The following USP24 variants were observed in gnomAD, a reference collection of about 807,000 sequenced individuals.
USP24 encodes ubiquitin specific peptidase 24.
Under a neutral mutation model 361.6 loss-of-function variants are expected in USP24, and 97 were observed. The ratio of observed to expected loss-of-function variants is 0.27; its 90% CI spans 0.23 to 0.32. The LOEUF (loss-of-function observed/expected upper bound fraction) is 0.32. Ranked by LOEUF, USP24 falls within the 10% of genes least tolerant of loss-of-function variation. The pLI, the probability that USP24 is intolerant of heterozygous loss-of-function variation, is 1.00. For missense variants in USP24, 2,353 were observed against 3,165.6 expected, an observed-to-expected ratio of 0.74 and a Z score of 6.16; for synonymous variants, 1,098 against 1,124.6, an observed-to-expected ratio of 0.98 and a Z score of 0.47.
chr1:55,209,877 T>C (rs746763655), intron 1 of USP24, among the ~76,000 whole-genome samples: 36 of 152,146 alleles, frequency 2.4e-4, no homozygotes, highest in Non-Finnish European at 4.7e-4. Context: ...AAAAACGCCC[T>C]CCTTCACACT....
At chr1:55,076,971 A>C (rs1422585417) in intron 62 of USP24, among the ~76,000 whole-genome samples, 1 of 151,040 alleles carries the variant, frequency 6.6e-6, no homozygotes, top group Non-Finnish European at 1.5e-5. Context: ...CATCACTATC[A>C]CTCCCCTTCA....
intron 56 of USP24, among the ~76,000 whole-genome samples, chr1:55,085,646 A>G (rs1176503471): frequency 6.6e-6 from 1 of 152,212 alleles, no homozygotes; most frequent in African/African-American, 2.4e-5. Context: ...GTCTCAGTTC[A>G]GAGAGATCTA....
intron 32 of USP24, among the ~76,000 whole-genome samples, chr1:55,129,214 C>A (rs937371854): frequency 2.6e-5 from 4 of 152,162 alleles, no homozygotes; most frequent in Non-Finnish European, 5.9e-5. Flanking sequence ...ACAGATACAG[C>A]CTCCTGGCTT....
At chr1:55,099,175 GA>G (rs777004733) in intron 45 of USP24, among the ~76,000 whole-genome samples, 4 of 152,212 alleles carry the variant, frequency 2.6e-5, no homozygotes, top group Non-Finnish European at 5.9e-5. Flanking sequence ...TAGACACACA[GA>G]AAGAATATGT....
intron 3 of USP24, among the ~76,000 whole-genome samples, chr1:55,173,397 G>C (rs1649643600): frequency 6.6e-6 from 1 of 152,204 alleles, no homozygotes; most frequent in Admixed American, 6.5e-5. Flanking sequence ...TACTTTCTTA[G>C]ATTCCTTAAA....
chr1:55,079,437 A>G (rs1645097222), intron 60 of USP24, 101 bp downstream of exon 60: 4 of 1,437,588 alleles, frequency 2.8e-6, no homozygotes, highest in Non-Finnish European at 3.7e-6. Flanking sequence ...TGAAAGAACC[A>G]TTTCTTAACA....
intron 37 of USP24, among the ~76,000 whole-genome samples, 159 bp from the exon 38 acceptor site, chr1:55,120,915 A>C (rs1490102229): frequency 1.3e-5 from 2 of 152,206 alleles, no homozygotes; most frequent in Non-Finnish European, 2.9e-5. Context: ...GTAAGGTTTT[A>C]ATGGCTAATT....
In USP24 at chr1:55,071,894, T is replaced by G; in HGVS notation, c.7720A>C (p.Asn2574His). 6.2e-7 allele frequency: 1 copy of G among 1,612,616 alleles called. No individual in the cohort carries two copies. The change falls in exon 67 of 68, where the codon AAT becomes CAT. Residue 2574 changes from asparagine (N) to histidine (H), a missense_variant. Physicochemically the swap from Asn to His is moderately conservative, Grantham distance 68. Transcript: ENST00000294383. ...CTGCTTCCTGATTGCTCTTTTTCAT[T>G]CAACAAAGCTGTGGCATACGCTAAC... ...DTLAYATALLNEKEQSGSSNG... is the reference protein window; with the variant it reads ...DTLAYATALLHEKEQSGSSNG...
intron 47 of USP24, 90 bp downstream of exon 47, chr1:55,097,850 CAGT>C: frequency 6.6e-7 from 1 of 1,519,230 alleles, no homozygotes; most frequent in Non-Finnish European, 8.8e-7. Flanking sequence ...ATGGAAATAA[CAGT>C]AGGAGCTTAA....
rs575111643 is a variant in USP24 at position 55,103,832 on chromosome 1, A to C, written c.5025+44T>G. On this transcript the variant is annotated intron_variant, in intron 42 of 67. Transcript: ENST00000294383. ...AGTCTTAAAATTATATGTTTCAGAG[A>C]TCATTCTAAAAAAATTAAGTTCATC... 2.5e-5 allele frequency: 39 copies of C among 1,578,082 alleles called. 1 individual carries two copies. The South Asian group carries it at 4.3e-4, about 17-fold the overall frequency.
At chr1:55,195,572 G>GT (rs1386545659) in intron 1 of USP24, among the ~76,000 whole-genome samples, 1 of 152,164 alleles carries the variant, frequency 6.6e-6, no homozygotes, top group Non-Finnish European at 1.5e-5. Flanking sequence ...GAGTGTTACT[G>GT]TAAGAGTATT....
chr1:55,152,035 C>G (rs1404461336), intron 16 of USP24: 3 of 975,948 alleles, frequency 3.1e-6, no homozygotes, highest in African/African-American at 1.8e-5. Context: ...AATTCACCCC[C>G]CTGCCTGGAG....
At chr1:55,192,681 C>T (rs910875989) in intron 1 of USP24, among the ~76,000 whole-genome samples, 2 of 152,144 alleles carry the variant, frequency 1.3e-5, no homozygotes, top group South Asian at 4.1e-4. Flanking sequence ...TTTTTCAAAG[C>T]AATTTGGAGA....
intron 59 of USP24, 134 bp from the exon 60 acceptor site, chr1:55,079,793 T>A (rs1006158087): frequency 1.1e-5 from 12 of 1,051,266 alleles, no homozygotes; most frequent in African/African-American, 1.9e-5. Flanking sequence ...ACTCACACAC[T>A]GAGTACTCAC....
chr1:55,187,776 A>G (rs930533732), intron 1 of USP24, among the ~76,000 whole-genome samples: 1 of 152,248 alleles, frequency 6.6e-6, no homozygotes. Context: ...GAAGGAAATT[A>G]TAAGAACTAA....
Position 55,172,642 on chromosome 1 carries a change from T to C in USP24, c.559-122A>G, listed in dbSNP as rs1570606374. On this transcript the variant is annotated intron_variant, in intron 3 of 67. Transcript: ENST00000294383. ...TGAAAATACTTTTTTATGTAGATGATTGGCTTTTAAAAGACCCATAGCTGT... is the reference window on the plus strand; with the variant it reads ...TGAAAATACTTTTTTATGTAGATGACTGGCTTTTAAAAGACCCATAGCTGT... 3.2e-5 allele frequency: 35 copies of C among 1,105,630 alleles called. 1 individual carries two copies. In the South Asian group the frequency reaches 7.5e-4, roughly 24 times the overall value. The allele number at this position is 1,105,630 out of a possible 1,614,324, so 68.5% of individuals were successfully genotyped here. A position where few individuals can be genotyped will look rare whatever the true frequency, so the allele number is the denominator to read the frequency against.
chr1:55,111,412 A>C (rs976846944), intron 38 of USP24, among the ~76,000 whole-genome samples: 2 of 152,096 alleles, frequency 1.3e-5, no homozygotes, highest in Non-Finnish European at 2.9e-5. Flanking sequence ...ATGTACTTAT[A>C]TTAAGTGAAC....
At chr1:55,187,805 T>C (rs1030303151) in intron 1 of USP24, among the ~76,000 whole-genome samples, 3 of 152,206 alleles carry the variant, frequency 2.0e-5, no homozygotes, top group African/African-American at 4.8e-5. Flanking sequence ...AAAGACATCC[T>C]ATGTTCATAG....
chr1:55,139,170 G>A (rs1646820216), intron 24 of USP24, among the ~76,000 whole-genome samples, 160 bp from the exon 25 acceptor site: 1 of 152,170 alleles, frequency 6.6e-6, no homozygotes, highest in Admixed American at 6.5e-5. Context: ...ATGGGGAGGT[G>A]GTTCTACAAG....
Sources: allele counts gnomAD v4.1 joint callset (sites outside exome capture counted in the v4.1 genomes callset), GRCh38; gene constraint gnomAD v4.1.1; transcripts MANE v1.5; gene names NCBI Gene and HGNC (gene_info 2026-07-23, HGNC 2026-07-21).